DAPK2: variants seen among roughly 807,000 people sequenced by gnomAD.
The protein encoded by DAPK2 is death associated protein kinase 2.
A neutral mutation model predicts 44.1 loss-of-function variants in DAPK2; 35 were observed. That is an observed-to-expected ratio of 0.79 (90% CI 0.61 to 1.05). The LOEUF (loss-of-function observed/expected upper bound fraction) is 1.05. Ranked by LOEUF, DAPK2 falls within the 50% of genes least tolerant of loss-of-function variation. DAPK2 has a pLI of 0.00. For synonymous variants in DAPK2, 174 were observed against 182.6 expected, an observed-to-expected ratio of 0.95 and a Z score of 0.38; for missense variants, 453 against 483.2, an observed-to-expected ratio of 0.94 and a Z score of 0.59.
intron 3 of DAPK2, 57 bp downstream of exon 4, chr15:63,971,366 A>C: frequency 6.3e-7 from 1 of 1,596,906 alleles, no homozygotes; most frequent in South Asian, 1.1e-5. Context: ...AGACACCAGG[A>C]GGGACTAAGC....
intron 1 of DAPK2, among the ~76,000 whole-genome samples, chr15:64,012,734 G>A (rs1031594853): frequency 6.6e-6 from 1 of 152,154 alleles, no homozygotes; most frequent in Non-Finnish European, 1.5e-5. Context: ...GACAATTTCT[G>A]GAAGGATATA....
chr15:63,969,741 TAA>T (rs11331070), intron 3 of DAPK2, among the ~76,000 whole-genome samples: 136 of 143,862 alleles, frequency 9.5e-4, no homozygotes, highest in Non-Finnish European at 9.4e-4. Context: ...CTATCTCTAT[TAA>T]AAAAAAAAAA....
intron 1 of DAPK2, among the ~76,000 whole-genome samples, chr15:64,010,602 G>A (rs1055114842): frequency 5.9e-5 from 9 of 152,074 alleles, no homozygotes; most frequent in Non-Finnish European, 1.0e-4. Flanking sequence ...GTCCCCACCC[G>A]CCTGCCTTAA....
chr15:64,031,245 T>C (rs557328611), intron 1 of DAPK2, among the ~76,000 whole-genome samples: 1 of 151,980 alleles, frequency 6.6e-6, no homozygotes, highest in East Asian at 1.9e-4. Flanking sequence ...TCTTTTTTTT[T>C]TTTTTGAGAC....
chr15:63,978,855 C>T (rs1031436971), intron 2 of DAPK2, among the ~76,000 whole-genome samples: 1 of 152,218 alleles, frequency 6.6e-6, no homozygotes, highest in Non-Finnish European at 1.5e-5. Context: ...GCAAATCTGA[C>T]CTTTGCCTCC....
upstream of DAPK2, among the ~76,000 whole-genome samples, chr15:64,040,873 C>G (rs1055319772): frequency 7.1e-6 from 1 of 141,316 alleles, no homozygotes; most frequent in Non-Finnish European, 1.5e-5. Context: ...AAGATCACAC[C>G]ACTGCACTCC....
rs561038958 is a variant in DAPK2 at position 63,984,934 on chromosome 15, C to T, written c.93-1180G>A. 3.9e-5 allele frequency among the ~76,000 whole-genome samples: 6 copies of T among 152,334 alleles called. No homozygotes were observed. The East Asian group carries it at 1.2e-3, about 29-fold the overall frequency. On this transcript the variant is annotated intron_variant, in intron 1 of 10. Transcript: ENST00000261891. ...TTCAAAATACCCGGAGTGGCAATAA[C>T]AACAACAAAGTCAAGTTCAGCAAGC... is the stretch of plus-strand genomic sequence containing the variant.
chr15:64,021,025 G>A (rs1410984033), intron 1 of DAPK2, among the ~76,000 whole-genome samples: 1 of 152,198 alleles, frequency 6.6e-6, no homozygotes, highest in Non-Finnish European at 1.5e-5. Context: ...TGCCACAGAT[G>A]AGTCTTTCTA....
At position 63,948,439 on chromosome 15, in the gene DAPK2, G is replaced by C. The variant is rs2077507238; in HGVS notation, c.454-9078C>G. 2.6e-5 allele frequency among the ~76,000 whole-genome samples: 4 copies of C among 152,064 alleles called. No individual in the cohort carries two copies. The South Asian group carries it at 8.3e-4, about 32-fold the overall frequency. On this transcript the variant is annotated intron_variant, in intron 3 of 10. Transcript: ENST00000261891. ...TCTTACCTGGCCAGAGAAGGAGCAA[G>C]AAGGAGAGAGAGGGGAGGTGCCTCA...
intron 1 of DAPK2, among the ~76,000 whole-genome samples, chr15:63,984,295 T>A (rs1463934691): frequency 2.6e-5 from 4 of 152,114 alleles, no homozygotes; most frequent in African/African-American, 9.7e-5. Flanking sequence ...CATCGCAGAG[T>A]TAATGGCAAA....
intron 3 of DAPK2, among the ~76,000 whole-genome samples, chr15:63,956,395 A>G (rs977438094): frequency 6.6e-6 from 1 of 151,744 alleles, no homozygotes; most frequent in Non-Finnish European, 1.5e-5. Flanking sequence ...AGGTTTTGGT[A>G]TGTTGTATTC....
At chr15:63,991,484 GC>G in intron 1 of DAPK2, 1 of 365,116 alleles carries the variant, frequency 2.7e-6, no homozygotes. Flanking sequence ...CTTGACGATG[GC>G]TTTGAAATTT....
At chr15:64,040,277 G>A (rs747630174), upstream of DAPK2, 2 of 1,610,968 alleles carry the variant, frequency 1.2e-6, no homozygotes, top group African/African-American at 1.3e-5. Flanking sequence ...CCTGAAATGG[G>A]AAGAAACCTG....
intron 4 of DAPK2, among the ~76,000 whole-genome samples, chr15:63,937,578 C>G (rs1436462726): frequency 6.6e-6 from 1 of 152,142 alleles, no homozygotes; most frequent in Non-Finnish European, 1.5e-5. Flanking sequence ...TGGCTCCCTC[C>G]CCACCCCTCT....
chr15:64,033,813 C>T (rs1220737183), intron 1 of DAPK2, among the ~76,000 whole-genome samples: 1 of 151,596 alleles, frequency 6.6e-6, no homozygotes, highest in Non-Finnish European at 1.5e-5. Flanking sequence ...GAGGCTGAGG[C>T]AGAAGAATGG....
intron 7 of DAPK2, 132 bp from the exon 9 acceptor site, chr15:63,924,993 G>C: frequency 1.1e-6 from 1 of 907,530 alleles, no homozygotes; most frequent in Non-Finnish European, 1.7e-6. Flanking sequence ...TGGAATGGAG[G>C]ATGCAGAGAT....
intron 6 of DAPK2, among the ~76,000 whole-genome samples, chr15:63,927,743 ATT>A (rs56346248): frequency 0.01 from 1,492 of 146,310 alleles, 18 homozygotes; most frequent in African/African-American, 0.031. Context: ...CTGGGATTCC[ATT>A]TTTTTTTTTT....
At chr15:63,930,556 G>T in intron 4 of DAPK2, 101 bp from the exon 6 acceptor site, 2 of 1,069,844 alleles carry the variant, frequency 1.9e-6, no homozygotes, top group South Asian at 1.3e-5. Flanking sequence ...TCTCCATCCT[G>T]AATCTCCAGG....
At chr15:63,963,580 C>T (rs1477229481) in intron 3 of DAPK2, among the ~76,000 whole-genome samples, 2 of 152,176 alleles carry the variant, frequency 1.3e-5, no homozygotes, top group African/African-American at 4.8e-5. Context: ...TTACTCCTGC[C>T]ACTTTGCTTT....
Sources: allele counts gnomAD v4.1 joint callset (sites outside exome capture counted in the v4.1 genomes callset), GRCh38; gene constraint gnomAD v4.1.1; transcripts MANE v1.5; gene names NCBI Gene and HGNC (gene_info 2026-07-23, HGNC 2026-07-21).